The following C10orf90 variants were observed in gnomAD, a reference collection of about 807,000 sequenced individuals.
C10orf90 encodes the protein (E2-independent) E3 ubiquitin-conjugating enzyme FATS.
C10orf90 carries 56 observed loss-of-function variants against 62.5 expected under a neutral mutation model. The observed-to-expected ratio is 0.90, with a 90% CI of 0.72 to 1.12. The LOEUF (loss-of-function observed/expected upper bound fraction) is 1.12. C10orf90 is among the 50% of genes most tolerant of loss of function. The pLI is 0.00. For missense variants in C10orf90, 970 were observed against 880.4 expected (o/e 1.10, Z -1.29); for synonymous variants, 386 against 340.4 (o/e 1.13, Z -1.47).
chr10:126,647,563 TC>T (rs1231709101), intron 1 of C10orf90, among the ~76,000 whole-genome samples: 8 of 152,188 alleles, frequency 5.3e-5, no homozygotes, highest in Admixed American at 5.2e-4. Flanking sequence ...TTCCCCCCGA[TC>T]CCATAGTGGA....
At chr10:126,558,904 G>A (rs369632694) in intron 2 of C10orf90, among the ~76,000 whole-genome samples, 1 of 152,340 alleles carries the variant, frequency 6.6e-6, no homozygotes, top group East Asian at 1.9e-4. Context: ...GACTGAATCA[G>A]GCTGCCTGGG....
rs572355064 is a variant in C10orf90, at chr10:126,653,707, A to G, written c.241-7070T>C. Among the ~76,000 whole-genome samples the G allele has an allele frequency of 4.6e-5, 7 of 152,312 alleles. No individual in the cohort carries two copies. The East Asian group carries it at 1.2e-3, about 25-fold the overall frequency. On this transcript the variant is annotated intron_variant, in intron 1 of 9. Coordinates refer to ENST00000488181, the MANE Select transcript of C10orf90 (RefSeq NM_001350921.2). Reference sequence around the variant, plus strand: ...ATCATGAATGTTCCTAATGGCATCTAGAATGGTGAATCTTTTCCAGAAGGT... The same window carrying G: ...ATCATGAATGTTCCTAATGGCATCTGGAATGGTGAATCTTTTCCAGAAGGT...
At chr10:126,463,066 C>T (rs781367330) in intron 5 of C10orf90, among the ~76,000 whole-genome samples, 25 of 151,720 alleles carry the variant, frequency 1.6e-4, no homozygotes, top group Non-Finnish European at 3.7e-4. Flanking sequence ...TAGCCCCAAC[C>T]CCCGTCCTGT....
At chr10:126,596,743 C>T (rs1160748103) in intron 2 of C10orf90, among the ~76,000 whole-genome samples, 2 of 152,018 alleles carry the variant, frequency 1.3e-5, no homozygotes, top group African/African-American at 2.4e-5. Context: ...GTATGGGTAC[C>T]CGAAGTATAG....
chr10:126,631,026 A>T (rs2133829571), intron 2 of C10orf90, among the ~76,000 whole-genome samples: 1 of 152,294 alleles, frequency 6.6e-6, no homozygotes, highest in Non-Finnish European at 1.5e-5. Context: ...CACCTCTAGA[A>T]GGGGCCACAG....
At chr10:126,535,256 G>T (rs138905491) in intron 2 of C10orf90, among the ~76,000 whole-genome samples, 3 of 151,796 alleles carry the variant, frequency 2.0e-5, no homozygotes, top group Non-Finnish European at 4.4e-5. Flanking sequence ...GGTGGGTCAC[G>T]CCTGTAATCC....
chr10:126,532,583 G>A (rs948072742), intron 2 of C10orf90, among the ~76,000 whole-genome samples: 7 of 151,742 alleles, frequency 4.6e-5, no homozygotes, highest in East Asian at 2.0e-4. Context: ...CACGCCTATA[G>A]TCCCTGCACT....
intron 7 of C10orf90, among the ~76,000 whole-genome samples, chr10:126,434,675 C>G (rs1046418050): frequency 2.0e-5 from 3 of 152,148 alleles, no homozygotes; most frequent in Middle Eastern, 3.2e-3. Context: ...ATTGGACCTT[C>G]ACAAAGAATG....
At position 126,464,051 on chromosome 10, in the gene C10orf90, A is replaced by G. The variant is rs141360151; in HGVS notation, c.1825+645T>C. Among the ~76,000 whole-genome samples the G allele has an allele frequency of 1.3e-3, 198 of 152,204 alleles. 1 individual carries two copies. Among genetic ancestry groups the G allele is most frequent in the African/African-American group, 4.3e-3 (180 of 41,526 alleles). On this transcript the variant is annotated intron_variant, in intron 5 of 9. Transcript: ENST00000488181. ...ATCTTTAGAATGATAGGAAATGTAC[A>G]TTTTTCCTGCTGACATAACCGGGCA...
chr10:126,553,704 T>C (rs1043059563), intron 2 of C10orf90, among the ~76,000 whole-genome samples: 1 of 152,202 alleles, frequency 6.6e-6, no homozygotes, highest in Non-Finnish European at 1.5e-5. Context: ...AGGTATGTTG[T>C]AGGCTATACC....
chr10:126,662,569 G>T (rs1475561594), intron 1 of C10orf90, among the ~76,000 whole-genome samples: 1 of 152,118 alleles, frequency 6.6e-6, no homozygotes, highest in East Asian at 1.9e-4. Context: ...GTTCTGTTTA[G>T]GTTTTCCCTT....
At chr10:126,464,264 T>C (rs1361079053) in intron 5 of C10orf90, among the ~76,000 whole-genome samples, 1 of 152,192 alleles carries the variant, frequency 6.6e-6, no homozygotes, top group Non-Finnish European at 1.5e-5. Flanking sequence ...TGTCTCATGC[T>C]TGTTAAGCGC....
chr10:126,487,706 A>G (rs1004965620), intron 4 of C10orf90, among the ~76,000 whole-genome samples: 2 of 152,214 alleles, frequency 1.3e-5, no homozygotes, highest in Admixed American at 6.5e-5. Context: ...CATGTAAAAT[A>G]TGTACTTTAG....
chr10:126,609,215 C>T (rs1282916749), intron 2 of C10orf90, among the ~76,000 whole-genome samples: 1 of 152,026 alleles, frequency 6.6e-6, no homozygotes, highest in Non-Finnish European at 1.5e-5. Flanking sequence ...CCAGCTTGGC[C>T]AACATGATGA....
rs1213906805 is a variant in C10orf90 at position 126,571,731 on chromosome 10, A to T, written c.314-57792T>A. 2.6e-5 allele frequency among the ~76,000 whole-genome samples: 4 copies of T among 152,278 alleles called. No homozygotes were observed. In the East Asian group the frequency reaches 7.7e-4, roughly 29 times the overall value. On this transcript the variant is annotated intron_variant, in intron 2 of 9. Transcript: ENST00000488181. ...GGGTTGACTTTCCCACTCACCCTTCAGCAAGGTGACAGTTCACCACCAGGA... is the reference window on the plus strand; with the variant it reads ...GGGTTGACTTTCCCACTCACCCTTCTGCAAGGTGACAGTTCACCACCAGGA...
At chr10:126,669,637 T>G (rs558822843) in intron 1 of C10orf90, among the ~76,000 whole-genome samples, 2 of 152,136 alleles carry the variant, frequency 1.3e-5, no homozygotes, top group East Asian at 3.8e-4. Context: ...AATACAAATA[T>G]GTTTCAGAGT....
chr10:126,534,543 A>G (rs1591076962), intron 2 of C10orf90, among the ~76,000 whole-genome samples: 1 of 152,136 alleles, frequency 6.6e-6, no homozygotes, highest in East Asian at 1.9e-4. Context: ...TTATGGGAGT[A>G]TCATTGTTGT....
At chr10:126,464,060 G>A (rs186516083) in intron 5 of C10orf90, among the ~76,000 whole-genome samples, 13 of 152,134 alleles carry the variant, frequency 8.5e-5, no homozygotes, top group African/African-American at 2.9e-4. Flanking sequence ...CATTTTTCCT[G>A]CTGACATAAC....
At chr10:126,588,900 A>C (rs928261128) in intron 2 of C10orf90, among the ~76,000 whole-genome samples, 1 of 152,214 alleles carries the variant, frequency 6.6e-6, no homozygotes, top group African/African-American at 2.4e-5. Context: ...GGTAATAATG[A>C]ATTTCACTGA....
Sources: gnomAD v4.1 joint callset for allele counts (sites outside exome capture counted in the v4.1 genomes callset) on GRCh38, gnomAD v4.1.1 for gene constraint, MANE v1.5 for transcripts, NCBI Gene and HGNC (gene_info 2026-07-23, HGNC 2026-07-21) for gene names.